LAMP1: variants seen among roughly 807,000 people sequenced by gnomAD.
LAMP1 encodes the protein lysosome associated membrane protein 1.
Under a neutral mutation model 37.5 loss-of-function variants are expected in LAMP1, and 7 were observed. That is an observed-to-expected ratio of 0.19 (90% CI 0.11 to 0.35). LAMP1 has a LOEUF of 0.35. LAMP1 is among the 10% of genes least tolerant of loss of function. The pLI, the probability that LAMP1 is intolerant of heterozygous loss-of-function variation, is 1.00. For missense variants in LAMP1, 537 were observed against 552.8 expected, an observed-to-expected ratio of 0.97 and a Z score of 0.29; for synonymous variants, 236 against 229.1, an observed-to-expected ratio of 1.03 and a Z score of -0.27.
Position 113,322,443 on chromosome 13 carries a change from A to C in LAMP1, c.*22A>C. The C allele has an allele frequency of 6.3e-7, 1 of 1,595,366 alleles. No individual in the cohort carries two copies. Among genetic ancestry groups the C allele is most frequent in the Non-Finnish European group, 8.6e-7 (1 of 1,166,538 alleles). The stretch of plus-strand genomic sequence containing the variant: ...CTAGCCTGGTGCACGCAGGCACAGC[A>C]GCTGCAGGGGCCTCTGTTCCTTTCT... On this transcript the variant is annotated 3_prime_UTR_variant, in exon 9 of 9. Coordinates refer to ENST00000332556, the MANE Select transcript of LAMP1 (RefSeq NM_005561.4).
At chr13:113,306,088 G>A (rs900988446) in intron 1 of LAMP1, 2 of 158,794 alleles carry the variant, frequency 1.3e-5, no homozygotes, top group African/African-American at 4.8e-5. Flanking sequence ...GCTGGGTGCA[G>A]TGGCTGACAC....
rs1457693687 is a variant in LAMP1 at position 113,322,966 on chromosome 13, T to G, written c.*545T>G. On this transcript the variant is annotated 3_prime_UTR_variant, in exon 9 of 9. Transcript: ENST00000332556. ...TCTTTACTGCACTCAGATTTAAGCCTTACAAAGGGAAAGCCTCTGGCCGTC... is the reference window on the plus strand; with the variant it reads ...TCTTTACTGCACTCAGATTTAAGCCGTACAAAGGGAAAGCCTCTGGCCGTC... 6.5e-6 allele frequency: 1 copy of G among 154,632 alleles called. No individual in the cohort carries two copies. Among genetic ancestry groups the G allele is most frequent in the Non-Finnish European group, 1.4e-5 (1 of 69,634 alleles). 9.6% of individuals were successfully genotyped at this position (154,632 alleles called of 1,614,324 possible).
chr13:113,314,334 G>A (rs1279595233), intron 4 of LAMP1, among the ~76,000 whole-genome samples: 3 of 131,604 alleles, frequency 2.3e-5, no homozygotes, highest in African/African-American at 3.3e-5. Context: ...GAGCCAGTGC[G>A]GAGATGCCCG....
chr13:113,304,583 A>T (rs2042589160), intron 1 of LAMP1, among the ~76,000 whole-genome samples: 1 of 152,164 alleles, frequency 6.6e-6, no homozygotes, highest in Non-Finnish European at 1.5e-5. Context: ...TGAAAAACCA[A>T]GCAAAGCAGA....
At position 113,320,253 on chromosome 13, in the gene LAMP1, G is replaced by A. The variant is rs2042690353; in HGVS notation, c.751-92G>A. The A allele has an allele frequency of 6.8e-7, 1 of 1,466,402 alleles. No homozygotes were observed. Among genetic ancestry groups the A allele is most frequent in the African/African-American group, 1.4e-5 (1 of 71,770 alleles). The allele number at this position is 1,466,402 out of a possible 1,614,324, so 90.8% of individuals were successfully genotyped here. A position where few individuals can be genotyped will look rare whatever the true frequency, so the allele number is the denominator to read the frequency against. ...TTCTGGTTTTGGTTAAAACAAATGT[G>A]GCCTTGAATTCACGGTTTCAGGACT... On this transcript the variant is annotated intron_variant, in intron 5 of 8. Coordinates refer to ENST00000332556, the MANE Select transcript of LAMP1 (RefSeq NM_005561.4). This position sits in a 1 kb window ranked among gnomAD's most constrained non-coding sequence, Gnocchi z 4.4.
chr13:113,314,750 T>C (rs1175102321), intron 4 of LAMP1, among the ~76,000 whole-genome samples: 1 of 9,134 alleles, frequency 1.1e-4, no homozygotes, highest in African/African-American at 5.9e-4. Context: ...CGTGGCCTCC[T>C]GGAGGGAACC....
chr13:113,301,273 T>C (rs9603822), intron 1 of LAMP1, among the ~76,000 whole-genome samples: 6,656 of 152,124 alleles, frequency 0.044, 482 homozygotes, highest in African/African-American at 0.15. Context: ...GGAGGATTGC[T>C]TGAGATCAGC....
rs200140748 is a variant in LAMP1, at chr13:113,321,594, G to T, written c.981G>T (p.Ala327=). 1 of 1,614,068 alleles carries T rather than the reference G, an allele frequency of 6.2e-7. No individual in the cohort carries two copies. Among genetic ancestry groups the T allele is most frequent in the South Asian group, 1.1e-5 (1 of 91,090 alleles). The change falls in exon 8 of 9, where the codon GCG becomes GCT. Residue 327 remains alanine, a synonymous_variant. Coordinates refer to ENST00000332556, the MANE Select transcript of LAMP1 (RefSeq NM_005561.4). The surrounding 1 kb of genome is among the most constrained non-coding windows in gnomAD (Gnocchi z 5.6). The stretch of plus-strand genomic sequence containing the variant: ...AAGCTGCCAACGGCTCCCTGCGAGC[G>T]CTGCAGGCCACAGTCGGCAATTCCT... The part of the protein sequence containing the change: ...AFKAANGSLR[A]LQATVGNSYK...
intron 4 of LAMP1, among the ~76,000 whole-genome samples, chr13:113,315,797 G>C (rs1476212830): frequency 1.3e-5 from 2 of 151,788 alleles, no homozygotes; most frequent in African/African-American, 4.8e-5. Flanking sequence ...TCCTTCCTGA[G>C]TATCTTCAAA....
intron 4 of LAMP1, 109 bp downstream of exon 4, chr13:113,310,976 C>T (rs1022650226): frequency 1.5e-5 from 13 of 885,576 alleles, no homozygotes; most frequent in African/African-American, 3.4e-5. Context: ...CTGCCTGGAA[C>T]GCGTGTGCAC....
rs762996222 is a variant in LAMP1, at chr13:113,306,554, C to T, written c.131C>T (p.Ala44Val). Residue 44 changes from alanine (A) to valine (V), a missense_variant, in exon 2 of 9, where the codon GCC becomes GTC. By Grantham distance (64) the Ala-to-Val change is moderately conservative. Coordinates refer to ENST00000332556, the MANE Select transcript of LAMP1 (RefSeq NM_005561.4). ...KNGNGTACIM[A>V]NFSAAFSVNY... ...GGCAACGGGACCGCGTGCATAATGG[C>T]CAACTTCTCTGCTGCCTTCTCAGTG... The T allele has an allele frequency of 1.6e-5, 26 of 1,613,918 alleles. 1 individual carries two copies. The highest frequency in any genetic ancestry group is 3.3e-4 in the Middle Eastern group (2 of 6,084).
chr13:113,314,899 G>T (rs2042652343), intron 4 of LAMP1, among the ~76,000 whole-genome samples: 1 of 120,328 alleles, frequency 8.3e-6, no homozygotes, highest in African/African-American at 3.5e-5. Context: ...CCTCCTAGAG[G>T]GAGTCAGTGT....
At chr13:113,301,644 AATATATATATATATATATAT>A (rs1178393830) in intron 1 of LAMP1, among the ~76,000 whole-genome samples, 2 of 3,872 alleles carry the variant, frequency 5.2e-4, no homozygotes, top group African/African-American at 7.1e-4. Flanking sequence ...AAAAAAAAAA[AATATATATATATATATATAT>A]ATATATATAT....
chr13:113,297,279 G>T lies in LAMP1; in HGVS notation c.-156G>T. 5.8e-6 allele frequency: 1 copy of T among 172,710 alleles called. No individual in the cohort carries two copies. Among genetic ancestry groups the T allele is most frequent in the South Asian group, 1.9e-4 (1 of 5,266 alleles). 10.7% of individuals were successfully genotyped at this position (172,710 alleles called of 1,614,324 possible). ...CCGGCCGCGGTGTCTTCTTCGTGCC[G>T]GCGTCGCAGTGGCCGGGCCTCTTGC... On this transcript the variant is annotated 5_prime_UTR_variant, in exon 1 of 9. Coordinates refer to ENST00000332556, the MANE Select transcript of LAMP1 (RefSeq NM_005561.4). This position sits in a 1 kb window ranked among gnomAD's most constrained non-coding sequence, Gnocchi z 4.4.
intron 1 of LAMP1, among the ~76,000 whole-genome samples, chr13:113,304,173 G>A (rs550518410): frequency 4.6e-5 from 7 of 152,308 alleles, no homozygotes; most frequent in South Asian, 2.1e-4. Flanking sequence ...GAAGTGCTTC[G>A]GGTCAGTGAA....
rs369814617 is a variant in LAMP1 at position 113,321,747 on chromosome 13, G to C, written c.1114+20G>C. ...GCTCTGGTGAGTGTCACCGAGGGCA[G>C]CTGTCGCGGGGTGTGGAGGACGTGC... On this transcript the variant is annotated intron_variant, in intron 8 of 8. Transcript: ENST00000332556. The surrounding 1 kb of genome is among the most constrained non-coding windows in gnomAD (Gnocchi z 5.6). 6.8e-6 allele frequency: 11 copies of C among 1,611,610 alleles called. No homozygotes were observed. The African/African-American group carries it at 9.3e-5, about 14-fold the overall frequency.
At chr13:113,318,679 C>T (rs2042679750) in intron 4 of LAMP1, among the ~76,000 whole-genome samples, 1 of 152,106 alleles carries the variant, frequency 6.6e-6, no homozygotes, top group Admixed American at 6.5e-5. Context: ...CCAGGGGTGC[C>T]ATGTGCCCCC....
At position 113,321,338 on chromosome 13, in the gene LAMP1, T is replaced by C; in HGVS notation, c.877-66T>C. The C allele has an allele frequency of 4.8e-6, 6 of 1,255,390 alleles. No individual in the cohort carries two copies. The highest frequency in any genetic ancestry group is 7.0e-6 in the Non-Finnish European group (6 of 852,772). 77.8% of individuals were successfully genotyped at this position (1,255,390 alleles called of 1,614,324 possible). ...ACGTTTGATGATAAATGTGTGAATC[T>C]ACTGGGGTTAAAGATCATCTTTCTA... On this transcript the variant is annotated intron_variant, in intron 6 of 8. Coordinates refer to ENST00000332556, the MANE Select transcript of LAMP1 (RefSeq NM_005561.4). The surrounding 1 kb of genome is among the most constrained non-coding windows in gnomAD (Gnocchi z 5.6).
Position 113,321,550 on chromosome 13 carries a change from G to C in LAMP1, c.944-7G>C. 6.2e-7 allele frequency: 1 copy of C among 1,614,206 alleles called. No homozygotes were observed. The highest frequency in any genetic ancestry group is 1.1e-5 in the South Asian group (1 of 91,084). The stretch of plus-strand genomic sequence containing the variant: ...CTGGAGCCACTAGACCTCTGTGTGT[G>C]TTGCAGACCCTGCCTTTAAAGCTGC... On this transcript the variant is annotated splice_region_variant and splice_polypyrimidine_tract_variant and intron_variant, in intron 7 of 8. Transcript: ENST00000332556. The surrounding 1 kb of genome is among the most constrained non-coding windows in gnomAD (Gnocchi z 5.6).
Sources: gnomAD v4.1 joint callset for allele counts (sites outside exome capture counted in the v4.1 genomes callset) on GRCh38, gnomAD v4.1.1 for gene constraint, Gnocchi (gnomAD v3.1) non-coding constraint, MANE v1.5 for transcripts, NCBI Gene and HGNC (gene_info 2026-07-23, HGNC 2026-07-21) for gene names.